Variants in LRRC4C observed in about 807,000 individuals in gnomAD.
The protein encoded by LRRC4C is leucine rich repeat containing 4C.
In LRRC4C, 5 loss-of-function variants were observed where a neutral mutation model predicts 33.6. That is an observed-to-expected ratio of 0.15 (90% CI 0.08 to 0.31). The LOEUF (loss-of-function observed/expected upper bound fraction) is 0.31, where lower values mean the gene tolerates loss of function less well. Ranked by LOEUF, LRRC4C falls within the 10% of genes least tolerant of loss-of-function variation. The probability of loss-of-function intolerance (pLI) is 1.00; values close to 1 mark genes in which losing one functional copy is unlikely to be tolerated. For missense variants in LRRC4C, 560 were observed against 796.7 expected (o/e 0.70, Z 3.58); for synonymous variants, 329 against 302.0 (o/e 1.09, Z -0.93).
chr11:41,396,489 C>A (rs1173169985), intron 1 of LRRC4C, among the ~76,000 whole-genome samples: 1 of 151,884 alleles, frequency 6.6e-6, no homozygotes, highest in Non-Finnish European at 1.5e-5. Flanking sequence ...ACTTTCTGAT[C>A]TCTGCAATAT....
At chr11:41,063,327 C>A (rs1937940321) in intron 1 of LRRC4C, among the ~76,000 whole-genome samples, 1 of 152,038 alleles carries the variant, frequency 6.6e-6, no homozygotes, top group African/African-American at 2.4e-5. Context: ...CCTAGTTGAG[C>A]TAAAAATCTA....
chr11:40,542,988 C>T (rs72885135), intron 3 of LRRC4C, among the ~76,000 whole-genome samples: 13,541 of 152,050 alleles, frequency 0.089, 1,723 homozygotes, highest in African/African-American at 0.28. Context: ...GGTTGTAAAT[C>T]GAATCTTTCA....
At chr11:41,211,439 C>T (rs986276230) in intron 1 of LRRC4C, among the ~76,000 whole-genome samples, 8 of 152,090 alleles carry the variant, frequency 5.3e-5, no homozygotes, top group African/African-American at 1.4e-4. Context: ...ATTAACTCAT[C>T]GTTTACATTA....
intron 3 of LRRC4C, among the ~76,000 whole-genome samples, chr11:40,577,304 T>C (rs1958233915): frequency 6.6e-6 from 1 of 152,176 alleles, no homozygotes; most frequent in Non-Finnish European, 1.5e-5. Context: ...ACAAATACCC[T>C]CTGCACTTTT....
intron 4 of LRRC4C, among the ~76,000 whole-genome samples, chr11:40,273,623 A>G (rs1942872648): frequency 6.6e-6 from 1 of 152,124 alleles, no homozygotes; most frequent in African/African-American, 2.4e-5. Context: ...TTATCATAAA[A>G]CATATTTTCT....
chr11:40,890,762 AAGT>A (rs1955665529), intron 2 of LRRC4C, among the ~76,000 whole-genome samples: 1 of 152,096 alleles, frequency 6.6e-6, no homozygotes, highest in Admixed American at 6.5e-5. Context: ...TTATGACATT[AAGT>A]ATGTCATAAC....
chr11:41,386,673 A>C (rs1241688829), intron 1 of LRRC4C, among the ~76,000 whole-genome samples: 3 of 151,674 alleles, frequency 2.0e-5, no homozygotes, highest in Non-Finnish European at 4.4e-5. Flanking sequence ...GTAGCTTATC[A>C]TTATTTTTAT....
At chr11:40,816,361 T>G (rs575371930) in intron 2 of LRRC4C, among the ~76,000 whole-genome samples, 1 of 152,282 alleles carries the variant, frequency 6.6e-6, no homozygotes, top group South Asian at 2.1e-4. Context: ...AAGGTACCCA[T>G]GAGTAAATGT....
At chr11:40,886,462 C>A (rs1326594116) in intron 2 of LRRC4C, among the ~76,000 whole-genome samples, 1 of 149,536 alleles carries the variant, frequency 6.7e-6, no homozygotes, top group Non-Finnish European at 1.5e-5. Context: ...AACCTCACAC[C>A]TGCCATTTTA....
chr11:41,124,377 A>T (rs2902117), intron 1 of LRRC4C, among the ~76,000 whole-genome samples: 18 of 152,214 alleles, frequency 1.2e-4, no homozygotes, highest in African/African-American at 4.3e-4. Context: ...TCAGTAAAAA[A>T]TATAAGCCAC....
intron 3 of LRRC4C, among the ~76,000 whole-genome samples, chr11:40,404,942 C>T (rs1018969738): frequency 6.6e-5 from 10 of 151,918 alleles, no homozygotes; most frequent in Non-Finnish European, 1.0e-4. Context: ...TCCCCACCAC[C>T]CTCAAGGCAA....
At chr11:40,735,689 G>C (rs918671592) in intron 2 of LRRC4C, among the ~76,000 whole-genome samples, 15 of 136,914 alleles carry the variant, frequency 1.1e-4, no homozygotes, top group Non-Finnish European at 2.2e-4. Context: ...TGGGATGGCT[G>C]GGTCAAACGG....
intron 3 of LRRC4C, among the ~76,000 whole-genome samples, chr11:40,600,000 G>A (rs1462429758): frequency 2.0e-5 from 3 of 152,168 alleles, no homozygotes; most frequent in Non-Finnish European, 4.4e-5. Context: ...TTGATGACAA[G>A]TGAAGAATGG....
At chr11:40,753,887 A>G (rs1373769901) in intron 2 of LRRC4C, among the ~76,000 whole-genome samples, 1 of 151,916 alleles carries the variant, frequency 6.6e-6, no homozygotes, top group Non-Finnish European at 1.5e-5. Context: ...ATGAGATATC[A>G]TCTTACCTGA....
At chr11:40,989,039 G>T (rs897883460) in intron 1 of LRRC4C, among the ~76,000 whole-genome samples, 3 of 151,810 alleles carry the variant, frequency 2.0e-5, no homozygotes, top group Non-Finnish European at 4.4e-5. Flanking sequence ...TTCTTGATGG[G>T]TATTCACGAC....
At chr11:40,607,545 G>C (rs57315192) in intron 3 of LRRC4C, among the ~76,000 whole-genome samples, 30,719 of 151,900 alleles carry the variant, frequency 0.2, 3,837 homozygotes, top group Middle Eastern at 0.31. Context: ...ATTTGGTTGA[G>C]GGCCATCAGA....
chr11:40,730,272 C>G (rs1026386826), intron 2 of LRRC4C, among the ~76,000 whole-genome samples: 1 of 152,052 alleles, frequency 6.6e-6, no homozygotes, highest in Non-Finnish European at 1.5e-5. Flanking sequence ...TAAAAAAAAA[C>G]TTCAAATATT....
chr11:40,447,016 C>A (rs1951666351), intron 3 of LRRC4C: 1 of 154,906 alleles, frequency 6.5e-6, no homozygotes, highest in South Asian at 2.0e-4. Flanking sequence ...AAAAGTGCCT[C>A]AGGTCTCACC....
chr11:40,636,981 G>A (rs1941791121), intron 3 of LRRC4C, among the ~76,000 whole-genome samples: 1 of 152,170 alleles, frequency 6.6e-6, no homozygotes, highest in African/African-American at 2.4e-5. Context: ...ACTGGCATCT[G>A]TGGTAGGAGG....
Sources: allele counts gnomAD v4.1 joint callset (sites outside exome capture counted in the v4.1 genomes callset), GRCh38; gene constraint gnomAD v4.1.1; transcripts MANE v1.5; gene names NCBI Gene and HGNC (gene_info 2026-07-23, HGNC 2026-07-21).